The following P3H4 variants were observed in gnomAD, a reference collection of about 807,000 sequenced individuals.
P3H4 encodes the protein prolyl 3-hydroxylase family member 4 (inactive), also known as endoplasmic reticulum protein SC65.
In P3H4, 47 loss-of-function variants were observed where a neutral mutation model predicts 52.9. The ratio of observed to expected loss-of-function variants is 0.89; its 90% CI spans 0.70 to 1.13. The LOEUF (loss-of-function observed/expected upper bound fraction) is 1.13. P3H4 is among the 50% of genes most tolerant of loss of function. P3H4 has a pLI of 0.00. For synonymous variants in P3H4, 256 were observed against 267.9 expected, an observed-to-expected ratio of 0.96 and a Z score of 0.44; for missense variants, 585 against 611.0, an observed-to-expected ratio of 0.96 and a Z score of 0.45.
chr17:41,803,470 A>G (rs2047640038), intron 6 of P3H4, 39 bp from the exon 7 acceptor site: 1 of 1,604,862 alleles, frequency 6.2e-7, no homozygotes, highest in Non-Finnish European at 8.5e-7. Flanking sequence ...ACCGGGTCAC[A>G]GTACGCCCAA....
At chr17:41,807,237 G>A (rs1215809821) in intron 5 of P3H4, 3 of 316,702 alleles carry the variant, frequency 9.5e-6, no homozygotes, top group Admixed American at 4.4e-5. Flanking sequence ...AGCAGTGAGG[G>A]TAATGAAGGT....
rs1555615251 is a variant in P3H4 at position 41,811,764 on chromosome 17, C to A, written c.152G>T (p.Ser51Ile). The A allele has an allele frequency of 1.3e-6, 2 of 1,525,570 alleles. No homozygotes were observed. The highest frequency in any genetic ancestry group is 1.7e-6 in the Non-Finnish European group (2 of 1,148,808). 94.5% of individuals were successfully genotyped at this position (1,525,570 alleles called of 1,614,324 possible). Residue 51 changes from serine (S) to isoleucine (I), a missense_variant, in exon 1 of 8, where the codon AGC becomes ATC. Transcript: ENST00000393928. This position sits in a 1 kb window ranked among gnomAD's most constrained non-coding sequence, Gnocchi z 4.8. ...GHALEQYEGE[S>I]WRESARYLEA... ...CAGGTAGCGCGCGCTCTCGCGCCAGCTCTCTCCCTCGTACTGCTCCAGAGC... is the reference window on the plus strand; with the variant it reads ...CAGGTAGCGCGCGCTCTCGCGCCAGATCTCTCCCTCGTACTGCTCCAGAGC...
At position 41,811,437 on chromosome 17, in the gene P3H4, T is replaced by A; in HGVS notation, c.462+17A>T. Reference sequence around the variant, plus strand: ...GCCCAGCCCGAGACAGGTCCCCGGGTGGGGGCGGGCTCCCACCTTGAACAG... The same window carrying A: ...GCCCAGCCCGAGACAGGTCCCCGGGAGGGGGCGGGCTCCCACCTTGAACAG... On this transcript the variant is annotated intron_variant, in intron 1 of 7. Coordinates refer to ENST00000393928, the MANE Select transcript of P3H4 (RefSeq NM_006455.3). This position sits in a 1 kb window ranked among gnomAD's most constrained non-coding sequence, Gnocchi z 4.8. The A allele has an allele frequency of 6.2e-7, 1 of 1,609,760 alleles. No individual in the cohort carries two copies. The highest frequency in any genetic ancestry group is 8.5e-7 in the Non-Finnish European group (1 of 1,178,622).
In P3H4 at chr17:41,808,184, CCTGA is replaced by C. The variant is rs570243286; in HGVS notation, c.917-184_917-181del. Reference sequence around the variant, plus strand: ...AGTGGGCACTTACCCTATGCCAGGCCCTGACTAACTCATCTAAGCCTCACTGTTA... The same window carrying C: ...AGTGGGCACTTACCCTATGCCAGGCCCTAACTCATCTAAGCCTCACTGTTA... On this transcript the variant is annotated intron_variant, in intron 4 of 7. Coordinates refer to ENST00000393928, the MANE Select transcript of P3H4 (RefSeq NM_006455.3). Among the ~76,000 whole-genome samples the C allele has an allele frequency of 2.0e-5, 3 of 152,252 alleles. No homozygotes were observed. In the South Asian group the frequency reaches 6.2e-4, roughly 32 times the overall value.
At chr17:41,806,981 C>T in intron 5 of P3H4, 102 bp from the exon 6 acceptor site, 1 of 825,960 alleles carries the variant, frequency 1.2e-6, no homozygotes, top group East Asian at 2.6e-5. Context: ...CCTCTTCTAG[C>T]TCAAGGATCA....
In P3H4 at chr17:41,811,567, G is replaced by A; in HGVS notation, c.349C>T (p.Arg117Trp). Reference protein sequence around the residue: ...GRVLERAACLRRCKRTLPAFQ... With the variant: ...GRVLERAACLWRCKRTLPAFQ... ...GCGGGCAGCGTCCGCTTGCAGCGCC[G>A]CAGGCAGGCGGCTCGCTCCAGGACG... is the stretch of plus-strand genomic sequence containing the variant. Residue 117 changes from arginine (R) to tryptophan (W), a missense_variant, in exon 1 of 8, where the codon CGG becomes TGG. By Grantham distance (101) the Arg-to-Trp change is moderately radical. Coordinates refer to ENST00000393928, the MANE Select transcript of P3H4 (RefSeq NM_006455.3). The surrounding 1 kb of genome is among the most constrained non-coding windows in gnomAD (Gnocchi z 4.8). 6.2e-7 allele frequency: 1 copy of A among 1,604,822 alleles called. No individual in the cohort carries two copies. The highest frequency in any genetic ancestry group is 1.1e-5 in the South Asian group (1 of 90,272).
chr17:41,803,409 G>T lies in P3H4; in HGVS notation c.1169C>A (p.Pro390Gln). ...DDEMELEETE[P>Q]PLEPEDALSD... The stretch of plus-strand genomic sequence containing the variant: ...TAGGGCATCCTCAGGCTCCAGGGGC[G>T]GTTCTGTCTCCTCCAGCTCCATCTA... Residue 390 changes from proline to glutamine, a missense_variant, in exon 7 of 8, where the codon CCG becomes CAG. Pro to Gln is a moderately conservative substitution (Grantham distance 76, BLOSUM62 -1). Transcript: ENST00000393928. 6.2e-7 allele frequency: 1 copy of T among 1,613,784 alleles called. No individual in the cohort carries two copies. Among genetic ancestry groups the T allele is most frequent in the Non-Finnish European group, 8.5e-7 (1 of 1,179,874 alleles).
intron 6 of P3H4, among the ~76,000 whole-genome samples, 193 bp downstream of exon 6, chr17:41,806,603 T>C (rs1392480746): frequency 2.0e-5 from 3 of 152,126 alleles, no homozygotes; most frequent in South Asian, 2.1e-4. Context: ...TTGAGACATG[T>C]ACAAAAGGAG....
chr17:41,803,295 G>T lies in P3H4; in HGVS notation c.1283C>A (p.Ala428Asp). The stretch of plus-strand genomic sequence containing the variant: ...GGACTCGTGTCACTGACCAGCCTCG[G>T]CCTCGTCACCCTTGGCATCCGGCTC... The part of the protein sequence containing the change: ...WQEPDAKGDE[A>D]EAEPEPELA Residue 428 changes from alanine (A) to aspartate (D), a missense_variant, in exon 7 of 8, where the codon GCC becomes GAC. Ala to Asp is a moderately radical substitution (Grantham distance 126, BLOSUM62 -2). Transcript: ENST00000393928. 1 of 1,613,478 alleles carries T rather than the reference G, an allele frequency of 6.2e-7. No individual in the cohort carries two copies. The highest frequency in any genetic ancestry group is 8.5e-7 in the Non-Finnish European group (1 of 1,179,772).
At position 41,804,397 on chromosome 17, in the gene P3H4, C is replaced by T. The variant is rs191746674; in HGVS notation, c.1147-966G>A. Among the ~76,000 whole-genome samples, 8 of 151,122 alleles carry T rather than the reference C, an allele frequency of 5.3e-5. No homozygotes were observed. In the East Asian group the frequency reaches 6.0e-4, roughly 11 times the overall value. On this transcript the variant is annotated intron_variant, in intron 6 of 7. Transcript: ENST00000393928. ...TCCCAGCACTTTGGGAGGCTGAGGTCGGTGGATCATTTGAGGTCAGGAGTT... is the reference window on the plus strand; with the variant it reads ...TCCCAGCACTTTGGGAGGCTGAGGTTGGTGGATCATTTGAGGTCAGGAGTT...
At position 41,810,931 on chromosome 17, in the gene P3H4, C is replaced by T. The variant is rs1430628397; in HGVS notation, c.719G>A (p.Arg240Gln). ...ALSEYLAVFA[R>Q]CLAGCEGAHE... ...GGCCCCTTCACAGCCGGCCAGGCAC[C>T]GGGCAAAGACTGCCAGGTACTCTGA... Residue 240 changes from arginine (R) to glutamine (Q), a missense_variant, in exon 3 of 8, where the codon CGG becomes CAG. Arg to Gln is a conservative substitution (Grantham distance 43). Coordinates refer to ENST00000393928, the MANE Select transcript of P3H4 (RefSeq NM_006455.3). 5.6e-6 allele frequency: 9 copies of T among 1,614,046 alleles called. No homozygotes were observed. Among genetic ancestry groups the T allele is most frequent in the African/African-American group, 1.3e-5 (1 of 74,932 alleles).
intron 6 of P3H4, 36 bp from the exon 7 acceptor site, chr17:41,803,467 C>T (rs1207356519): frequency 1.6e-5 from 26 of 1,606,396 alleles, no homozygotes; most frequent in East Asian, 1.6e-4. Context: ...GAAACCGGGT[C>T]ACAGTACGCC....
intron 3 of P3H4, 97 bp from the exon 4 acceptor site, chr17:41,809,931 C>G: frequency 3.5e-6 from 5 of 1,412,504 alleles, no homozygotes; most frequent in Non-Finnish European, 4.8e-6. Flanking sequence ...GCCTACTAAG[C>G]CAAGCTGCTT....
rs376049952 is a variant in P3H4 at position 41,810,948 on chromosome 17, G to A, written c.702C>T (p.Tyr234=). The change falls in exon 3 of 8, where the codon TAC becomes TAT. Residue 234 remains tyrosine, a synonymous_variant. Transcript: ENST00000393928. ...TEDMERALSE[Y]LAVFARCLAG... is the part of the protein sequence containing the mutation. The stretch of plus-strand genomic sequence containing the variant: ...CCAGGCACCGGGCAAAGACTGCCAG[G>A]TACTCTGACAAGGCCCGCTCCATGT... 1 of 1,614,178 alleles carries A rather than the reference G, an allele frequency of 6.2e-7. No homozygotes were observed.
Position 41,802,712 on chromosome 17 carries a change from C to G in P3H4, c.*245G>C, listed in dbSNP as rs1011666864. On this transcript the variant is annotated 3_prime_UTR_variant, in exon 8 of 8. Transcript: ENST00000393928. ...GATTTCAGGCGCCTGCCACCACACC[C>G]GGCTAATTTATGTATTTTAGTAGAG... is the stretch of plus-strand genomic sequence containing the variant. 1 of 428,452 alleles carries G rather than the reference C, an allele frequency of 2.3e-6. No individual in the cohort carries two copies. The highest frequency in any genetic ancestry group is 4.1e-6 in the Non-Finnish European group (1 of 243,266). The allele number at this position is 428,452 out of a possible 1,614,324, so 26.5% of individuals were successfully genotyped here. A position where few individuals can be genotyped will look rare whatever the true frequency, so the allele number is the denominator to read the frequency against.
At chr17:41,805,427 C>G (rs1414391855) in intron 6 of P3H4, among the ~76,000 whole-genome samples, 1 of 151,774 alleles carries the variant, frequency 6.6e-6, no homozygotes, top group African/African-American at 2.4e-5. Context: ...CTGGTTCAAG[C>G]CATTCTCCTG....
chr17:41,805,204 G>T (rs1399371307), intron 6 of P3H4, among the ~76,000 whole-genome samples: 1 of 150,174 alleles, frequency 6.7e-6, no homozygotes, highest in Non-Finnish European at 1.5e-5. Context: ...GGAGAATGGC[G>T]TGAGAACCTG....
At chr17:41,806,195 G>A (rs2047672346) in intron 6 of P3H4, among the ~76,000 whole-genome samples, 1 of 151,878 alleles carries the variant, frequency 6.6e-6, no homozygotes, top group Non-Finnish European at 1.5e-5. Context: ...CTCCAGCCTG[G>A]GCGGCAGAGC....
At chr17:41,808,609 G>A (rs907364917) in intron 4 of P3H4, among the ~76,000 whole-genome samples, 1 of 152,140 alleles carries the variant, frequency 6.6e-6, no homozygotes, top group African/African-American at 2.4e-5. Flanking sequence ...GGTTGGTCTC[G>A]AACTCCTGGG....
Sources: gnomAD v4.1 joint callset for allele counts (sites outside exome capture counted in the v4.1 genomes callset) on GRCh38, gnomAD v4.1.1 for gene constraint, Gnocchi (gnomAD v3.1) non-coding constraint, MANE v1.5 for transcripts, NCBI Gene and HGNC (gene_info 2026-07-23, HGNC 2026-07-21) for gene names.